AIRE: variants seen among roughly 807,000 people sequenced by gnomAD.
AIRE encodes the protein autoimmune polyendocrinopathy candidiasis ectodermal dystrophy protein.
In AIRE, 52 loss-of-function variants were observed where a neutral mutation model predicts 62.1. The ratio of observed to expected loss-of-function variants is 0.84; its 90% CI spans 0.67 to 1.06. The LOEUF (loss-of-function observed/expected upper bound fraction) is 1.06. AIRE is among the 50% of genes least tolerant of loss of function. The probability of loss-of-function intolerance (pLI) is 0.00; values close to 1 mark genes in which losing one functional copy is unlikely to be tolerated. For synonymous variants in AIRE, 342 were observed against 321.6 expected, an observed-to-expected ratio of 1.06 and a Z score of -0.68; for missense variants, 774 against 755.8, an observed-to-expected ratio of 1.02 and a Z score of -0.28.
At chr21:44,296,847 C>T (rs1014282164) in intron 13 of AIRE, among the ~76,000 whole-genome samples, 5 of 152,134 alleles carry the variant, frequency 3.3e-5, no homozygotes, top group South Asian at 2.1e-4. Context: ...TCCCAGACCC[C>T]GTCCCTCTAA....
intron 5 of AIRE, 83 bp downstream of exon 5, chr21:44,288,541 G>C: frequency 9.7e-7 from 1 of 1,035,924 alleles, no homozygotes; most frequent in South Asian, 1.4e-5. Context: ...TTTGCATCCT[G>C]GTGGTCCCAC....
At position 44,293,039 on chromosome 21, in the gene AIRE, CTG is replaced by C. The variant is rs746933095; in HGVS notation, c.1143_1144del (p.Glu383ThrfsTer40). ...GCGGGAGAGGAGGTAAGAGGTCCAC[CTG>C]GGGAACCCCTAGCCGGCATGGACAC... On this transcript the variant is annotated frameshift_variant, in exon 10 of 14. Coordinates refer to ENST00000291582, the MANE Select transcript of AIRE (RefSeq NM_000383.4). LOFTEE classifies it high-confidence loss of function. The C allele has an allele frequency of 4.3e-6, 7 of 1,612,568 alleles. No individual in the cohort carries two copies. The highest frequency in any genetic ancestry group is 5.9e-6 in the Non-Finnish European group (7 of 1,179,846).
chr21:44,297,063 C>T lies in AIRE; in HGVS notation c.1567-593C>T, dbSNP rs560037773. ...CAGGGGTTCTGCCCTGTGCAGTGGC[C>T]GTGCCCCACACACCCTGACCGTGCA... On this transcript the variant is annotated intron_variant, in intron 13 of 13. Transcript: ENST00000291582. This position sits in a 1 kb window ranked among gnomAD's most constrained non-coding sequence, Gnocchi z 4.8. 1.7e-4 allele frequency among the ~76,000 whole-genome samples: 26 copies of T among 152,322 alleles called. No individual in the cohort carries two copies. Among genetic ancestry groups the T allele is most frequent in the Admixed American group, 4.6e-4 (7 of 15,306 alleles).
intron 13 of AIRE, among the ~76,000 whole-genome samples, chr21:44,296,868 C>T (rs994880835): frequency 1.3e-5 from 2 of 152,132 alleles, no homozygotes; most frequent in African/African-American, 2.4e-5. Flanking sequence ...GATTTGCTTG[C>T]CCCTCCCAAC....
At chr21:44,295,923 A>G (rs2040602510) in intron 12 of AIRE, among the ~76,000 whole-genome samples, 1 of 152,130 alleles carries the variant, frequency 6.6e-6, no homozygotes, top group Admixed American at 6.5e-5. Context: ...GGAATTCCAC[A>G]GGGTTCAATG....
At chr21:44,293,652 C>A in intron 10 of AIRE, 137 bp from the exon 11 acceptor site, 2 of 1,407,530 alleles carry the variant, frequency 1.4e-6, no homozygotes, top group Non-Finnish European at 1.9e-6. Flanking sequence ...TGCGTGGCAC[C>A]GTGAGGCTCC....
At chr21:44,289,359 T>G (rs549543017) in intron 5 of AIRE, 1 of 449,224 alleles carries the variant, frequency 2.2e-6, no homozygotes, top group African/African-American at 2.0e-5. Context: ...GTCATTGAAC[T>G]TATGGTCCAG....
chr21:44,286,737 T>C lies in AIRE; in HGVS notation c.307+6T>C, dbSNP rs1476559533. ...CCTGGACAGCTTCCCCAAAGGTGGG[T>C]CCTGGTGGACTCAGCCATGCTGGGG... On this transcript the variant is annotated splice_donor_region_variant and intron_variant, in intron 2 of 13. Transcript: ENST00000291582. This position sits in a 1 kb window ranked among gnomAD's most constrained non-coding sequence, Gnocchi z 6.0. The C allele has an allele frequency of 6.2e-7, 1 of 1,612,532 alleles. No individual in the cohort carries two copies. Among genetic ancestry groups the C allele is most frequent in the South Asian group, 1.1e-5 (1 of 91,064 alleles).
intron 10 of AIRE, 116 bp downstream of exon 10, chr21:44,293,291 C>T (rs1437256517): frequency 2.9e-6 from 3 of 1,029,612 alleles, no homozygotes; most frequent in East Asian, 2.7e-5. Context: ...CTCCGGGAGG[C>T]ACAGGGCCTG....
chr21:44,290,442 G>A, intron 7 of AIRE: 2 of 985,052 alleles, frequency 2.0e-6, no homozygotes, highest in African/African-American at 1.7e-5. Context: ...TAATGGGGTA[G>A]AAGCAGTGTG....
intron 8 of AIRE, 41 bp from the exon 9 acceptor site, chr21:44,292,261 G>C (rs765084142): frequency 6.6e-7 from 1 of 1,511,222 alleles, no homozygotes; most frequent in Non-Finnish European, 9.0e-7. Flanking sequence ...GTCACCCGCT[G>C]TCTTGTTCTG....
Position 44,290,059 on chromosome 21 carries a change from G to T in AIRE, c.870G>T (p.Gln290His). The change falls in exon 7 of 14, where the codon CAG (glutamine) becomes CAT (histidine). Residue 290 changes from glutamine to histidine, a missense_variant. By Grantham distance (24) the Gln-to-His change is conservative (BLOSUM62 0). Transcript: ENST00000291582. Reference sequence around the variant, plus strand: ...CTCTGGCCCTCCCCAGTGACCCCCAGCTCCACCAGGTAATGCCCTAGACCA... The same window carrying T: ...CTCTGGCCCTCCCCAGTGACCCCCATCTCCACCAGGTAATGCCCTAGACCA... ...PAPLALPSDP[Q>H]LHQKNEDECA... The T allele has an allele frequency of 6.2e-7, 1 of 1,611,772 alleles. No homozygotes were observed. Among genetic ancestry groups the T allele is most frequent in the Non-Finnish European group, 8.5e-7 (1 of 1,179,512 alleles).
Position 44,297,728 on chromosome 21 carries a change from C to T in AIRE, c.*1C>T. The T allele has an allele frequency of 6.2e-7, 1 of 1,609,472 alleles. No individual in the cohort carries two copies. Among genetic ancestry groups the T allele is most frequent in the Non-Finnish European group, 8.5e-7 (1 of 1,177,154 alleles). On this transcript the variant is annotated 3_prime_UTR_variant, in exon 14 of 14. Coordinates refer to ENST00000291582, the MANE Select transcript of AIRE (RefSeq NM_000383.4). This position sits in a 1 kb window ranked among gnomAD's most constrained non-coding sequence, Gnocchi z 4.8. ...TCCGGCGGCCCCCTTCCCCTCCTGA[C>T]CCCAGATGGCCGGGACATGCAGCTC...
chr21:44,289,647 C>A lies in AIRE; in HGVS notation c.653-10C>A. 6.2e-7 allele frequency: 1 copy of A among 1,612,712 alleles called. No homozygotes were observed. Among genetic ancestry groups the A allele is most frequent in the Non-Finnish European group, 8.5e-7 (1 of 1,179,906 alleles). On this transcript the variant is annotated splice_polypyrimidine_tract_variant and intron_variant, in intron 5 of 13. Transcript: ENST00000291582. ...CGGGTGAGCCAGGACCAGCCGGCAT[C>A]TCCTCCCAGGCGGCTCCAAGAAGTG...
At position 44,290,013 on chromosome 21, in the gene AIRE, A is replaced by G; in HGVS notation, c.824A>G (p.Gln275Arg). 6.2e-7 allele frequency: 1 copy of G among 1,610,840 alleles called. No homozygotes were observed. The highest frequency in any genetic ancestry group is 8.5e-7 in the Non-Finnish European group (1 of 1,179,412). The change falls in exon 7 of 14, where the codon CAG becomes CGG. Residue 275 changes from glutamine to arginine, a missense_variant. This residue lies in a region of AIRE where 385 missense variants were observed against 396.0 expected (regional missense o/e 0.97). Transcript: ENST00000291582. ...GGTGGAGGTGAGGCTAGGCTGGGCC[A>G]GCAGGGCAGCGTTCCCGCCCCTCTG... ...APGGGEARLG[Q>R]QGSVPAPLAL...
In AIRE at chr21:44,289,659, G is replaced by A. The variant is rs139620961; in HGVS notation, c.655G>A (p.Gly219Ser). 2.4e-5 allele frequency: 39 copies of A among 1,612,774 alleles called. No individual in the cohort carries two copies. Among genetic ancestry groups the A allele is most frequent in the South Asian group, 1.6e-4 (15 of 91,082 alleles). Residue 219 changes from glycine (G) to serine (S), a missense_variant and splice_region_variant, in exon 6 of 14, where the codon GGC becomes AGC. By Grantham distance (56) the Gly-to-Ser change is moderately conservative (BLOSUM62 0). This residue lies in a region of AIRE where 385 missense variants were observed against 396.0 expected (regional missense o/e 0.97). Transcript: ENST00000291582. ...GACCAGCCGGCATCTCCTCCCAGGC[G>A]GCTCCAAGAAGTGCATCCAGGTTGG... ...ILIQQVFESG[G>S]SKKCIQVGGE...
rs2040516836 is a variant in AIRE, at chr21:44,289,717, A to C, written c.713A>C (p.Asp238Ala). The change falls in exon 6 of 14, where the codon GAC (aspartate) becomes GCC (alanine). Residue 238 changes from aspartate (D) to alanine (A), a missense_variant. This residue lies in a region of AIRE where 385 missense variants were observed against 396.0 expected (regional missense o/e 0.97). Coordinates refer to ENST00000291582, the MANE Select transcript of AIRE (RefSeq NM_000383.4). ...TTCTACACTCCCAGCAAGTTCGAAG[A>C]CTCCGGCAGTGGGAAGAACAAGGCC... is the stretch of plus-strand genomic sequence containing the variant. The part of the protein sequence containing the change: ...GEFYTPSKFE[D>A]SGSGKNKARS... The C allele has an allele frequency of 5.0e-6, 8 of 1,612,550 alleles. No individual in the cohort carries two copies. The highest frequency in any genetic ancestry group is 6.8e-6 in the Non-Finnish European group (8 of 1,179,936).
rs186414523 is a variant in AIRE at position 44,295,688 on chromosome 21, C to T, written c.1504-695C>T. 3.8e-4 allele frequency among the ~76,000 whole-genome samples: 58 copies of T among 152,294 alleles called. No homozygotes were observed. In the East Asian group the frequency reaches 0.011, roughly 29 times the overall value. On this transcript the variant is annotated intron_variant, in intron 12 of 13. Coordinates refer to ENST00000291582, the MANE Select transcript of AIRE (RefSeq NM_000383.4). ...GTTCTGGCTGGCCTTGGCCTCCCCC[C>T]TCAGCCTGCCCCCTTCCTCCAGGGT... is the stretch of plus-strand genomic sequence containing the variant.
chr21:44,289,503 G>GTGGAT, intron 5 of AIRE, 154 bp from the exon 6 acceptor site: 1 of 904,506 alleles, frequency 1.1e-6, no homozygotes, highest in Non-Finnish European at 1.6e-6. Context: ...ACAATCCCCG[G>GTGGAT]GCCCCAGACT....
Sources: gnomAD v4.1 joint callset for allele counts (sites outside exome capture counted in the v4.1 genomes callset) on GRCh38, gnomAD v4.1.1 for gene constraint, gnomAD v4.1.1 regional missense constraint, Gnocchi (gnomAD v3.1) non-coding constraint, MANE v1.5 for transcripts, NCBI Gene and HGNC (gene_info 2026-07-23, HGNC 2026-07-21) for gene names.